The following ATP10A variants were observed in gnomAD, a reference collection of about 807,000 sequenced individuals.
ATP10A encodes the protein ATPase phospholipid transporting 10A (putative).
In ATP10A, 111 loss-of-function variants were observed where a neutral mutation model predicts 147.8. The ratio of observed to expected loss-of-function variants is 0.75; its 90% CI spans 0.64 to 0.88. The LOEUF is 0.88. ATP10A is among the 40% of genes least tolerant of loss of function. The pLI, the probability that ATP10A is intolerant of heterozygous loss-of-function variation, is 0.00. For missense variants in ATP10A, 1,927 were observed against 1,959.0 expected (o/e 0.98, Z 0.31); for synonymous variants, 875 against 841.6 (o/e 1.04, Z -0.69).
rs570539641 is a variant in ATP10A, at chr15:25,681,097, G to C, written c.3493-23C>G. ...TTCCTGGGACACAAAAACAATCAGT[G>C]ATGTTACAGTGAAGCATTGGCATCC... On this transcript the variant is annotated intron_variant, in intron 17 of 20. Coordinates refer to ENST00000555815, the MANE Select transcript of ATP10A (RefSeq NM_024490.4). 5.6e-6 allele frequency: 9 copies of C among 1,605,820 alleles called. No individual in the cohort carries two copies. In the South Asian group the frequency reaches 9.9e-5, roughly 18 times the overall value.
chr15:25,710,414 C>T (rs1470431845), intron 10 of ATP10A: 1 of 152,164 alleles, frequency 6.6e-6, no homozygotes, highest in African/African-American at 2.4e-5. Flanking sequence ...ACTCCAGTGC[C>T]CACTGACCCC....
intron 2 of ATP10A, among the ~76,000 whole-genome samples, chr15:25,744,517 T>C (rs1283414497): frequency 2.0e-5 from 3 of 152,094 alleles, no homozygotes; most frequent in Admixed American, 2.0e-4. Context: ...AAAACAAGAA[T>C]AGGAACAGAT....
At chr15:25,699,529 C>T (rs891471137) in intron 13 of ATP10A, among the ~76,000 whole-genome samples, 1 of 152,048 alleles carries the variant, frequency 6.6e-6, no homozygotes, top group Non-Finnish European at 1.5e-5. Context: ...TAATTAGGCA[C>T]ATCTTAGACA....
chr15:25,774,376 A>G (rs1596861082), intron 2 of ATP10A, among the ~76,000 whole-genome samples: 1 of 152,190 alleles, frequency 6.6e-6, no homozygotes, highest in African/African-American at 2.4e-5. Flanking sequence ...AGAGTTCAAG[A>G]CCAGCCTGAC....
At chr15:25,841,921 T>A (rs1419781339) in intron 1 of ATP10A, among the ~76,000 whole-genome samples, 1 of 152,252 alleles carries the variant, frequency 6.6e-6, no homozygotes, top group Non-Finnish European at 1.5e-5. Flanking sequence ...GTCATTGTAA[T>A]GAGCTCATTT....
At chr15:25,820,438 T>C (rs946522168) in intron 1 of ATP10A, among the ~76,000 whole-genome samples, 1 of 152,162 alleles carries the variant, frequency 6.6e-6, no homozygotes, top group Non-Finnish European at 1.5e-5. Context: ...TATACCATAC[T>C]GATGTTGATT....
At position 25,679,949 on chromosome 15, in the gene ATP10A, T is replaced by C. The variant is rs758512855; in HGVS notation, c.3892A>G (p.Arg1298Gly). ...AGCTGAAGTTGTGTGGGGAAAACCC[T>C]CCCCTGGAGGGATCTGAAAAACAAT... is the stretch of plus-strand genomic sequence containing the variant. Reference protein sequence around the residue: ...PRLFFRSLQGRVFPTQLQLAR... With the variant: ...PRLFFRSLQGGVFPTQLQLAR... The change falls in exon 21 of 21, where the codon AGG becomes GGG. Residue 1298 changes from arginine to glycine, a missense_variant. Transcript: ENST00000555815. 6.3e-7 allele frequency: 1 copy of C among 1,594,640 alleles called. No homozygotes were observed. Among genetic ancestry groups the C allele is most frequent in the South Asian group, 1.1e-5 (1 of 90,428 alleles).
chr15:25,767,150 A>G (rs2140649493), intron 2 of ATP10A, among the ~76,000 whole-genome samples: 1 of 152,236 alleles, frequency 6.6e-6, no homozygotes, highest in Non-Finnish European at 1.5e-5. Flanking sequence ...CACAGGTGAC[A>G]CTCACCGCTG....
intron 1 of ATP10A, among the ~76,000 whole-genome samples, chr15:25,782,484 T>C (rs1420951596): frequency 6.6e-6 from 1 of 152,188 alleles, no homozygotes; most frequent in African/African-American, 2.4e-5. Flanking sequence ...GCATGTTTCA[T>C]CGTAATAAAA....
At chr15:25,704,495 C>T (rs934142445) in intron 12 of ATP10A, among the ~76,000 whole-genome samples, 2 of 152,210 alleles carry the variant, frequency 1.3e-5, no homozygotes, top group African/African-American at 2.4e-5. Context: ...CCGGAAACTC[C>T]AGTACGGAGG....
intron 3 of ATP10A, among the ~76,000 whole-genome samples, chr15:25,735,499 G>C (rs1205838001): frequency 6.6e-6 from 1 of 152,108 alleles, no homozygotes; most frequent in Non-Finnish European, 1.5e-5. Flanking sequence ...GGAAGGGGCT[G>C]GCCTACTAGA....
chr15:25,800,940 C>T (rs1890909263), intron 1 of ATP10A, among the ~76,000 whole-genome samples: 1 of 152,166 alleles, frequency 6.6e-6, no homozygotes. Flanking sequence ...GATGAACCCG[C>T]TGTACTAGAT....
chr15:25,739,747 A>G (rs1254786524), intron 2 of ATP10A, among the ~76,000 whole-genome samples: 2 of 152,204 alleles, frequency 1.3e-5, no homozygotes, highest in Admixed American at 6.5e-5. Context: ...TCAAATAAAT[A>G]TCTCACCGGC....
intron 14 of ATP10A, among the ~76,000 whole-genome samples, chr15:25,693,505 T>G (rs1337250193): frequency 1.3e-5 from 2 of 151,994 alleles, no homozygotes; most frequent in African/African-American, 2.4e-5. Context: ...CGTCTTACTG[T>G]GTACTGTGGC....
At chr15:25,728,551 G>A (rs34825924) in intron 3 of ATP10A, among the ~76,000 whole-genome samples, 35,740 of 152,118 alleles carry the variant, frequency 0.23, 4,800 homozygotes, top group Non-Finnish European at 0.31. Context: ...CCTGCTCTGC[G>A]CTTGTGGAGT....
intron 1 of ATP10A, among the ~76,000 whole-genome samples, chr15:25,802,432 C>G (rs1263671751): frequency 1.3e-5 from 2 of 152,068 alleles, no homozygotes; most frequent in African/African-American, 4.8e-5. Context: ...GTGTTCCGAC[C>G]ACTAGGCCCA....
chr15:25,682,961 C>G (rs547411897), intron 17 of ATP10A, among the ~76,000 whole-genome samples: 1 of 152,078 alleles, frequency 6.6e-6, no homozygotes, highest in African/African-American at 2.4e-5. Flanking sequence ...TGTTAATTCC[C>G]GTTCAAAATA....
At chr15:25,845,753 GT>G (rs1239071452) in intron 1 of ATP10A, among the ~76,000 whole-genome samples, 1 of 152,152 alleles carries the variant, frequency 6.6e-6, no homozygotes, top group Non-Finnish European at 1.5e-5. Context: ...GGTCCCCAGG[GT>G]GCATGCTGCC....
chr15:25,681,525 G>C (rs866894480), intron 17 of ATP10A, among the ~76,000 whole-genome samples: 6 of 152,120 alleles, frequency 3.9e-5, no homozygotes, highest in Non-Finnish European at 7.3e-5. Flanking sequence ...GCCTCTCTCT[G>C]TTTGCTATTT....
Sources: gnomAD v4.1 joint callset for allele counts (sites outside exome capture counted in the v4.1 genomes callset) on GRCh38, gnomAD v4.1.1 for gene constraint, MANE v1.5 for transcripts, NCBI Gene and HGNC (gene_info 2026-07-23, HGNC 2026-07-21) for gene names.